The following DLC1 variants were observed in gnomAD, a reference collection of about 807,000 sequenced individuals.
The protein encoded by DLC1 is rho GTPase-activating protein 7.
In DLC1, 54 loss-of-function variants were observed where a neutral mutation model predicts 140.3. That is an observed-to-expected ratio of 0.38 (90% CI 0.31 to 0.48). DLC1 has a LOEUF of 0.48. Among genes scored for constraint, DLC1 ranks in the 20% least tolerant of loss-of-function variants. The pLI is 0.96. For missense variants in DLC1, 2,536 were observed against 1,907.0 expected, an observed-to-expected ratio of 1.33 and a Z score of -6.14; for synonymous variants, 986 against 728.1, an observed-to-expected ratio of 1.35 and a Z score of -5.70.
chr8:13,275,109 G>A (rs775707815), intron 5 of DLC1, among the ~76,000 whole-genome samples: 1 of 152,194 alleles, frequency 6.6e-6, no homozygotes, highest in Non-Finnish European at 1.5e-5. Flanking sequence ...ACTTGACATT[G>A]TTTACTTTCT....
chr8:13,597,311 C>T (rs1805714953), intron 1 of DLC1, among the ~76,000 whole-genome samples: 1 of 151,994 alleles, frequency 6.6e-6, no homozygotes, highest in South Asian at 2.1e-4. Context: ...TGACAGAAGA[C>T]GTGATTAGGC....
At chr8:13,383,904 G>C (rs117413818) in intron 4 of DLC1, among the ~76,000 whole-genome samples, 1 of 152,180 alleles carries the variant, frequency 6.6e-6, no homozygotes, top group Non-Finnish European at 1.5e-5. Flanking sequence ...GCAGCCTCAC[G>C]AAAGACCCAT....
At chr8:13,283,315 C>T (rs1831430105) in intron 5 of DLC1, among the ~76,000 whole-genome samples, 1 of 151,748 alleles carries the variant, frequency 6.6e-6, no homozygotes, top group Non-Finnish European at 1.5e-5. Context: ...CACACACACA[C>T]ACACACACAC....
intron 5 of DLC1, among the ~76,000 whole-genome samples, chr8:13,296,513 A>C (rs910687892): frequency 2.0e-5 from 3 of 152,204 alleles, no homozygotes; most frequent in Non-Finnish European, 4.4e-5. Context: ...AATGTGCATA[A>C]GTCATTTTAG....
rs1052475390 is a variant in DLC1, at chr8:13,500,172, C to T, written c.-101G>A. On this transcript the variant is annotated 5_prime_UTR_variant, in exon 2 of 18. Coordinates refer to ENST00000276297, the MANE Select transcript of DLC1 (RefSeq NM_182643.3). The stretch of plus-strand genomic sequence containing the variant: ...ATTTCAAAATCACCAATCAAAGAAG[C>T]GAATGAGTTCTGTCATTTCACCACC... 10 of 1,078,814 alleles carry T rather than the reference C, an allele frequency of 9.3e-6. No homozygotes were observed. Among genetic ancestry groups the T allele is most frequent in the East Asian group, 2.4e-5 (1 of 41,420 alleles). The allele number at this position is 1,078,814 out of a possible 1,614,324, so 66.8% of individuals were successfully genotyped here.
At chr8:13,408,684 G>A (rs1352998175) in intron 2 of DLC1, among the ~76,000 whole-genome samples, 1 of 152,136 alleles carries the variant, frequency 6.6e-6, no homozygotes, top group East Asian at 1.9e-4. Flanking sequence ...TTAAAGATTG[G>A]CACTCAGGTC....
chr8:13,358,924 C>T (rs531954514), intron 4 of DLC1, among the ~76,000 whole-genome samples: 15 of 151,750 alleles, frequency 9.9e-5, no homozygotes, highest in East Asian at 3.9e-4. Flanking sequence ...TTTTATTCTG[C>T]AAAAGCAAGA....
At chr8:13,133,414 T>C in intron 5 of DLC1, 1 of 624,806 alleles carries the variant, frequency 1.6e-6, no homozygotes, top group Non-Finnish European at 2.0e-6. Flanking sequence ...CGGGCTGTTC[T>C]CCGGCCCCGC....
At chr8:13,210,639 A>T (rs1445774773) in intron 5 of DLC1, among the ~76,000 whole-genome samples, 1 of 152,224 alleles carries the variant, frequency 6.6e-6, no homozygotes, top group Admixed American at 6.5e-5. Context: ...GGAAAGAAGA[A>T]AATTGATATT....
At position 13,092,600 on chromosome 8, in the gene DLC1, T is replaced by G. The variant is rs201419347; in HGVS notation, c.3740+12A>C. ...GCCCCCTGTGTGCATGCACCTCCCA[T>G]GCAGCCCGTACCTGGGAGAGGAATT... On this transcript the variant is annotated intron_variant, in intron 13 of 17. Transcript: ENST00000276297. 2 of 1,613,234 alleles carry G rather than the reference T, an allele frequency of 1.2e-6. No homozygotes were observed. Among genetic ancestry groups the G allele is most frequent in the Non-Finnish European group, 1.7e-6 (2 of 1,179,724 alleles).
At chr8:13,194,916 G>A (rs560772579) in intron 5 of DLC1, among the ~76,000 whole-genome samples, 6 of 152,096 alleles carry the variant, frequency 3.9e-5, no homozygotes, top group Admixed American at 6.6e-5. Flanking sequence ...AGGCTGAGGC[G>A]GGAGGATGGA....
chr8:13,524,119 TATTATTATTATTATTATTA>T (rs1802845323), intron 1 of DLC1, among the ~76,000 whole-genome samples: 1 of 122,102 alleles, frequency 8.2e-6, no homozygotes, highest in Non-Finnish European at 1.6e-5. Flanking sequence ...TTATTATTAT[TATTATTATTATTATTATTA>T]TTATTATTAT....
intron 15 of DLC1, among the ~76,000 whole-genome samples, chr8:13,089,468 T>C (rs1817861202): frequency 6.6e-6 from 1 of 151,440 alleles, no homozygotes; most frequent in Non-Finnish European, 1.5e-5. Flanking sequence ...CTACTAAAAA[T>C]ACAAAAATTA....
At chr8:13,550,857 G>A (rs1803820583) in intron 1 of DLC1, among the ~76,000 whole-genome samples, 1 of 152,060 alleles carries the variant, frequency 6.6e-6, no homozygotes, top group African/African-American at 2.4e-5. Context: ...TAGAACAGTA[G>A]CCCTTAATGG....
intron 5 of DLC1, among the ~76,000 whole-genome samples, chr8:13,286,527 T>C (rs771687555): frequency 6.6e-6 from 1 of 152,180 alleles, no homozygotes; most frequent in Non-Finnish European, 1.5e-5. Context: ...ATGATGTTTC[T>C]ATTGTATCAC....
intron 5 of DLC1, among the ~76,000 whole-genome samples, chr8:13,256,934 G>T (rs555092255): frequency 1.3e-5 from 2 of 149,924 alleles, no homozygotes; most frequent in East Asian, 3.9e-4. Context: ...ACGCAGAACT[G>T]CCTTGGAGTA....
intron 10 of DLC1, among the ~76,000 whole-genome samples, chr8:13,096,281 G>A (rs1024993727): frequency 5.9e-5 from 9 of 152,148 alleles, no homozygotes; most frequent in African/African-American, 2.2e-4. Context: ...TGGGATGGGG[G>A]TGGGCCACTC....
At chr8:13,594,514 A>G (rs1406962784) in intron 1 of DLC1, among the ~76,000 whole-genome samples, 1 of 152,070 alleles carries the variant, frequency 6.6e-6, no homozygotes, top group Non-Finnish European at 1.5e-5. Context: ...AGAGAATACC[A>G]CAAGTCTGGG....
At chr8:13,591,449 C>T (rs1390695187) in intron 1 of DLC1, among the ~76,000 whole-genome samples, 1 of 152,076 alleles carries the variant, frequency 6.6e-6, no homozygotes, top group African/African-American at 2.4e-5. Flanking sequence ...TCTCTCCTGC[C>T]ACCTTGTGAA....
Sources: gnomAD v4.1 joint callset for allele counts (sites outside exome capture counted in the v4.1 genomes callset) on GRCh38, gnomAD v4.1.1 for gene constraint, MANE v1.5 for transcripts, NCBI Gene and HGNC (gene_info 2026-07-23, HGNC 2026-07-21) for gene names.